Variants in PEDS1 observed in about 807,000 individuals in gnomAD.
The protein encoded by PEDS1 is CarF homolog.
PEDS1 carries 14 observed loss-of-function variants against 35.2 expected under a neutral mutation model. That is an observed-to-expected ratio of 0.40 (90% CI 0.26 to 0.62). The LOEUF is 0.62. Among genes scored for constraint, PEDS1 ranks in the 20% least tolerant of loss-of-function variants. The pLI is 0.44. For synonymous variants in PEDS1, 152 were observed against 152.0 expected (o/e 1.00, Z 0.00); for missense variants, 260 against 367.8 (o/e 0.71, Z 2.40).
chr20:50,152,715 A>C (rs982374401), intron 1 of PEDS1, among the ~76,000 whole-genome samples: 4 of 152,122 alleles, frequency 2.6e-5, no homozygotes, highest in African/African-American at 9.7e-5. Context: ...AGTCCTAAGG[A>C]AGGGGCCAAT....
chr20:50,145,635 G>A (rs1190944429), intron 1 of PEDS1, among the ~76,000 whole-genome samples: 2 of 151,994 alleles, frequency 1.3e-5, no homozygotes, highest in Non-Finnish European at 2.9e-5. Flanking sequence ...AGGTTACAGT[G>A]AGCTGAGATC....
At chr20:50,138,976 C>A (rs1335258454) in intron 2 of PEDS1, among the ~76,000 whole-genome samples, 2 of 152,172 alleles carry the variant, frequency 1.3e-5, no homozygotes, top group Non-Finnish European at 2.9e-5. Context: ...CCCTCCCTGC[C>A]CACCTCAAAG....
In PEDS1 at chr20:50,125,365, C is replaced by A. The variant is rs146824279; in HGVS notation, c.692-186G>T. 4.2e-3 allele frequency among the ~76,000 whole-genome samples: 633 copies of A among 152,270 alleles called. 5 individuals carry two copies. The highest frequency in any genetic ancestry group is 0.015 in the African/African-American group (609 of 41,534). On this transcript the variant is annotated intron_variant, in intron 5 of 5. Transcript: ENST00000371652. The stretch of plus-strand genomic sequence containing the variant: ...ACCAATGGGCCTGGGGCCACTCAGG[C>A]CTCCAACCCCCATATTCCTCTACTT...
Position 50,151,428 on chromosome 20 carries a change from G to C in PEDS1, c.121+2089C>G, listed in dbSNP as rs186579293. On this transcript the variant is annotated intron_variant, in intron 1 of 5. Coordinates refer to ENST00000371652, the MANE Select transcript of PEDS1 (RefSeq NM_199129.4). The stretch of plus-strand genomic sequence containing the variant: ...GAATGATTTGGGCTGTCTGAAAGTA[G>C]GTAGGGTTCACAGGAGCAGGCAGAG... 120 of 599,940 alleles carry C rather than the reference G, an allele frequency of 2.0e-4. 1 individual carries two copies. Among genetic ancestry groups the C allele is most frequent in the Non-Finnish European group, 3.2e-4 (111 of 345,690 alleles). 37.2% of individuals were successfully genotyped at this position (599,940 alleles called of 1,614,324 possible). A position where few individuals can be genotyped will look rare whatever the true frequency, so the allele number is the denominator to read the frequency against.
intron 1 of PEDS1, among the ~76,000 whole-genome samples, chr20:50,145,728 G>A (rs1466751900): frequency 6.6e-6 from 1 of 152,094 alleles, no homozygotes; most frequent in Non-Finnish European, 1.5e-5. Flanking sequence ...AAAACACCAT[G>A]TGGGTGACAT....
Position 50,124,882 on chromosome 20 carries a change from G to T in PEDS1, c.*176C>A. 2.9e-5 allele frequency: 22 copies of T among 749,002 alleles called. No homozygotes were observed. The highest frequency in any genetic ancestry group is 3.7e-5 in the Non-Finnish European group (18 of 481,830). The allele number at this position is 749,002 out of a possible 1,614,324, so 46.4% of individuals were successfully genotyped here. A position where few individuals can be genotyped will look rare whatever the true frequency, so the allele number is the denominator to read the frequency against. On this transcript the variant is annotated 3_prime_UTR_variant, in exon 6 of 6. Transcript: ENST00000371652. ...CCGAGGAAAAAAAAAAAAAAGAAAT[G>T]AAAAATCAGTGGCTCAAGTATTCTG...
At position 50,153,687 on chromosome 20, in the gene PEDS1, AGGGCC is replaced by A; in HGVS notation, c.-55_-51del. 2 of 1,196,532 alleles carry A rather than the reference AGGGCC, an allele frequency of 1.7e-6. No individual in the cohort carries two copies. Among genetic ancestry groups the A allele is most frequent in the Non-Finnish European group, 2.1e-6 (2 of 965,722 alleles). 74.1% of individuals were successfully genotyped at this position (1,196,532 alleles called of 1,614,324 possible). On this transcript the variant is annotated 5_prime_UTR_variant, in exon 1 of 6. Coordinates refer to ENST00000371652, the MANE Select transcript of PEDS1 (RefSeq NM_199129.4). ...GCGCTCTGCTGGCGGCGGCGGCGGC[AGGGCC>A]GCGGAACCGCGGCGAGATCACGCCG...
intron 1 of PEDS1, among the ~76,000 whole-genome samples, chr20:50,149,546 A>T (rs576019672): frequency 6.6e-6 from 1 of 152,264 alleles, no homozygotes. Flanking sequence ...AGCCCAGAAC[A>T]GGACAGAACG....
chr20:50,150,033 C>T (rs2081386598), intron 1 of PEDS1, among the ~76,000 whole-genome samples: 1 of 152,186 alleles, frequency 6.6e-6, no homozygotes, highest in African/African-American at 2.4e-5. Context: ...TGCTGGCCTT[C>T]CCATCAGGTG....
At chr20:50,127,506 T>G (rs1441983430) in intron 5 of PEDS1, among the ~76,000 whole-genome samples, 1 of 152,024 alleles carries the variant, frequency 6.6e-6, no homozygotes, top group Non-Finnish European at 1.5e-5. Flanking sequence ...CAAGCCCAAT[T>G]AATTTTTTTT....
intron 2 of PEDS1, among the ~76,000 whole-genome samples, chr20:50,139,130 CG>C (rs2081266363): frequency 6.6e-6 from 1 of 152,164 alleles, no homozygotes; most frequent in Non-Finnish European, 1.5e-5. Context: ...AGCCACAGGA[CG>C]GGCCACGACC....
chr20:50,152,044 C>T (rs571652747), intron 1 of PEDS1, among the ~76,000 whole-genome samples: 1 of 152,254 alleles, frequency 6.6e-6, no homozygotes, highest in South Asian at 2.1e-4. Context: ...GGTCATACAG[C>T]TGAATAACAG....
intron 2 of PEDS1, among the ~76,000 whole-genome samples, chr20:50,142,693 C>CCCA (rs1555884397): frequency 1.9e-4 from 20 of 102,884 alleles, no homozygotes; most frequent in African/African-American, 7.4e-4. Context: ...CCCCCCCCCC[C>CCCA]CCGCCCCAAC....
chr20:50,148,701 G>A (rs565442736), intron 1 of PEDS1, among the ~76,000 whole-genome samples: 1 of 152,244 alleles, frequency 6.6e-6, no homozygotes, highest in Admixed American at 6.5e-5. Context: ...CTGGCCTCCA[G>A]CAGACCCTCA....
intron 5 of PEDS1, among the ~76,000 whole-genome samples, chr20:50,127,340 G>GTTTTTTTTTT (rs11471254): frequency 6.9e-5 from 6 of 87,196 alleles, no homozygotes; most frequent in Non-Finnish European, 1.0e-4. Flanking sequence ...GTGTTTTCTG[G>GTTTTTTTTTT]TTTTTTTTTT....
intron 1 of PEDS1, among the ~76,000 whole-genome samples, chr20:50,143,954 C>T (rs7274302): frequency 0.21 from 32,052 of 152,078 alleles, 3,491 homozygotes; most frequent in Middle Eastern, 0.28. Context: ...ACCTTGGCCT[C>T]CCAAAGTGCT....
At chr20:50,125,640 C>T (rs1035707409) in intron 5 of PEDS1, among the ~76,000 whole-genome samples, 2 of 152,036 alleles carry the variant, frequency 1.3e-5, no homozygotes, top group Non-Finnish European at 2.9e-5. Context: ...TGTGGCCAGG[C>T]TGGAGTGCAG....
chr20:50,126,124 C>G (rs1463450323), intron 5 of PEDS1, among the ~76,000 whole-genome samples: 1 of 152,214 alleles, frequency 6.6e-6, no homozygotes, highest in Non-Finnish European at 1.5e-5. Flanking sequence ...CAATCCCCAA[C>G]TGGAACGTTA....
At chr20:50,148,783 G>A (rs943176903) in intron 1 of PEDS1, among the ~76,000 whole-genome samples, 1 of 152,082 alleles carries the variant, frequency 6.6e-6, no homozygotes, top group Non-Finnish European at 1.5e-5. Flanking sequence ...ACAAATAAGA[G>A]ATGAGAGACA....
Sources: allele counts gnomAD v4.1 joint callset (sites outside exome capture counted in the v4.1 genomes callset), GRCh38; gene constraint gnomAD v4.1.1; transcripts MANE v1.5; gene names NCBI Gene and HGNC (gene_info 2026-07-23, HGNC 2026-07-21).